The following CHN1 variants were observed in gnomAD, a reference collection of about 807,000 sequenced individuals.
CHN1 encodes chimerin 1.
A neutral mutation model predicts 59.5 loss-of-function variants in CHN1; 37 were observed. The ratio of observed to expected loss-of-function variants is 0.62; its 90% CI spans 0.48 to 0.82. The LOEUF is 0.82. Among genes scored for constraint, CHN1 ranks in the 40% least tolerant of loss-of-function variants. The probability of loss-of-function intolerance (pLI) is 0.00; values close to 1 mark genes in which losing one functional copy is unlikely to be tolerated. For synonymous variants in CHN1, 206 were observed against 200.4 expected (o/e 1.03, Z -0.24); for missense variants, 469 against 571.0 (o/e 0.82, Z 1.82).
intron 6 of CHN1, among the ~76,000 whole-genome samples, chr2:174,870,951 G>A (rs1482947443): frequency 6.6e-6 from 1 of 152,096 alleles, no homozygotes; most frequent in African/African-American, 2.4e-5. Context: ...TTTGGAACTG[G>A]GGAACTGATG....
intron 1 of CHN1, among the ~76,000 whole-genome samples, chr2:174,988,426 C>T (rs922432953): frequency 2.6e-5 from 4 of 151,120 alleles, no homozygotes; most frequent in East Asian, 3.9e-4. Flanking sequence ...TCTAAGTTGG[C>T]GTAAGATTTG....
intron 1 of CHN1, among the ~76,000 whole-genome samples, chr2:174,963,108 CAG>C (rs1690470690): frequency 1.3e-5 from 2 of 151,984 alleles, no homozygotes; most frequent in African/African-American, 4.8e-5. Context: ...TTAAAATAAT[CAG>C]AAAGTTTCAT....
At chr2:174,944,848 G>A in intron 3 of CHN1, 40 bp downstream of exon 3, 2 of 1,493,112 alleles carry the variant, frequency 1.3e-6, no homozygotes, top group African/African-American at 1.4e-5. Context: ...GAAACAGATG[G>A]TTGAGAGACA....
chr2:174,944,821 A>G, intron 3 of CHN1, 67 bp downstream of exon 3: 1 of 1,097,418 alleles, frequency 9.1e-7, no homozygotes. Context: ...AAGCCACTGA[A>G]GAAGGTGAAA....
intron 5 of CHN1, among the ~76,000 whole-genome samples, chr2:174,886,186 T>C (rs565565843): frequency 2.0e-5 from 3 of 152,364 alleles, no homozygotes; most frequent in East Asian, 3.9e-4. Context: ...CAAATTCATA[T>C]GCAGGTTTTT....
intron 1 of CHN1, among the ~76,000 whole-genome samples, chr2:174,977,023 C>T (rs1690967450): frequency 6.6e-6 from 1 of 152,196 alleles, no homozygotes; most frequent in South Asian, 2.1e-4. Flanking sequence ...TACTATTTCT[C>T]CTTCTGTCCT....
chr2:174,847,442 T>C, intron 6 of CHN1: 1 of 1,196,172 alleles, frequency 8.4e-7, no homozygotes, highest in Non-Finnish European at 1.0e-6. Flanking sequence ...CATCTCTCTT[T>C]ATCATTTTTT....
At chr2:174,979,700 G>A (rs898413591) in intron 1 of CHN1, among the ~76,000 whole-genome samples, 2 of 152,018 alleles carry the variant, frequency 1.3e-5, no homozygotes, top group African/African-American at 4.8e-5. Context: ...GGCCAACACA[G>A]TGAAACCCCA....
intron 5 of CHN1, among the ~76,000 whole-genome samples, chr2:174,901,287 T>C (rs1688382315): frequency 1.3e-5 from 2 of 152,244 alleles, no homozygotes; most frequent in South Asian, 4.1e-4. Context: ...AGATGTGCAC[T>C]GCAGCCCTTG....
intron 1 of CHN1, among the ~76,000 whole-genome samples, chr2:174,976,731 C>T (rs1690958514): frequency 6.6e-6 from 1 of 152,180 alleles, no homozygotes; most frequent in South Asian, 2.1e-4. Flanking sequence ...CTTCTTTGCT[C>T]CATAATTGCA....
At chr2:174,891,596 G>C (rs558823751) in intron 5 of CHN1, among the ~76,000 whole-genome samples, 1 of 150,124 alleles carries the variant, frequency 6.7e-6, no homozygotes, top group East Asian at 1.9e-4. Context: ...AAAAAGAAAA[G>C]AAAAACACAA....
chr2:174,973,131 A>T (rs1690811978), intron 1 of CHN1, among the ~76,000 whole-genome samples: 1 of 152,190 alleles, frequency 6.6e-6, no homozygotes, highest in African/African-American at 2.4e-5. Flanking sequence ...TAAGAGTTAG[A>T]AAGAGAATGC....
intron 1 of CHN1, among the ~76,000 whole-genome samples, chr2:174,977,782 T>C (rs570853369): frequency 2.1e-4 from 32 of 152,322 alleles, no homozygotes; most frequent in African/African-American, 4.3e-4. Context: ...TGTGTGGTAA[T>C]TGCAAGATAT....
chr2:174,948,450 G>GT (rs902526663), intron 2 of CHN1, among the ~76,000 whole-genome samples: 1 of 152,088 alleles, frequency 6.6e-6, no homozygotes, highest in Non-Finnish European at 1.5e-5. Flanking sequence ...CGACAAAACC[G>GT]TATTTGTTTA....
At position 174,915,260 on chromosome 2, in the gene CHN1, T is replaced by C. The variant is rs1199073414; in HGVS notation, c.147-89A>G. 5.1e-6 allele frequency: 5 copies of C among 986,424 alleles called. No individual in the cohort carries two copies. The African/African-American group carries it at 8.1e-5, about 16-fold the overall frequency. The allele number at this position is 986,424 out of a possible 1,614,324, so 61.1% of individuals were successfully genotyped here. A position where few individuals can be genotyped will look rare whatever the true frequency, so the allele number is the denominator to read the frequency against. On this transcript the variant is annotated intron_variant, in intron 4 of 12. Transcript: ENST00000409900. ...AACGTCCCACCACCACCACCTTCTC[T>C]TGTTGTTTTCAAGACAAAGTACTGC... is the stretch of plus-strand genomic sequence containing the variant.
intron 5 of CHN1, among the ~76,000 whole-genome samples, chr2:174,905,809 C>T (rs1316566696): frequency 2.6e-5 from 4 of 152,094 alleles, no homozygotes; most frequent in Admixed American, 6.6e-5. Flanking sequence ...CTACCCGCTT[C>T]GGCCTCCCAA....
chr2:174,807,837 A>G (rs972886196), intron 11 of CHN1, among the ~76,000 whole-genome samples: 21 of 152,322 alleles, frequency 1.4e-4, no homozygotes, highest in African/African-American at 5.1e-4. Flanking sequence ...TCCCAAGTCA[A>G]AAAGCAAATT....
At chr2:174,894,166 G>C (rs145927094) in intron 5 of CHN1, among the ~76,000 whole-genome samples, 1 of 152,174 alleles carries the variant, frequency 6.6e-6, no homozygotes, top group Non-Finnish European at 1.5e-5. Flanking sequence ...AATCAACAGA[G>C]TGAAAAGGTA....
At chr2:174,910,447 T>C (rs1288158873) in intron 5 of CHN1, among the ~76,000 whole-genome samples, 4 of 152,090 alleles carry the variant, frequency 2.6e-5, no homozygotes, top group Non-Finnish European at 5.9e-5. Flanking sequence ...AAATGTACTC[T>C]GCAATACATG....
Sources: allele counts gnomAD v4.1 joint callset (sites outside exome capture counted in the v4.1 genomes callset), GRCh38; gene constraint gnomAD v4.1.1; transcripts MANE v1.5; gene names NCBI Gene and HGNC (gene_info 2026-07-23, HGNC 2026-07-21).